Variants in DYSF observed in about 807,000 individuals in gnomAD.
DYSF encodes the protein dystrophy-associated fer-1-like 1.
Under a neutral mutation model 274.9 loss-of-function variants are expected in DYSF, and 212 were observed. The observed-to-expected ratio is 0.77, with a 90% CI of 0.69 to 0.86. DYSF has a LOEUF of 0.86. DYSF is among the 40% of genes least tolerant of loss of function. The pLI, the probability that DYSF is intolerant of heterozygous loss-of-function variation, is 0.00. For synonymous variants in DYSF, 1,091 were observed against 1,078.7 expected, an observed-to-expected ratio of 1.01 and a Z score of -0.22; for missense variants, 2,666 against 2,783.2, an observed-to-expected ratio of 0.96 and a Z score of 0.95.
intron 42 of DYSF, among the ~76,000 whole-genome samples, chr2:71,653,029 C>T (rs1292288342): frequency 6.6e-6 from 1 of 152,144 alleles, no homozygotes; most frequent in African/African-American, 2.4e-5. Flanking sequence ...GAGAGGCAGA[C>T]ACTATAAAGA....
chr2:71,574,990 C>T (rs2092653127), intron 30 of DYSF, among the ~76,000 whole-genome samples: 1 of 152,214 alleles, frequency 6.6e-6, no homozygotes, highest in South Asian at 2.1e-4. Context: ...GGCACACAGC[C>T]AGTCCCCACT....
chr2:71,539,416 A>C (rs1017760801), intron 17 of DYSF, among the ~76,000 whole-genome samples, 177 bp downstream of exon 17: 3 of 152,188 alleles, frequency 2.0e-5, no homozygotes, highest in African/African-American at 7.2e-5. Flanking sequence ...ACAGACACTT[A>C]GGGTTCTCCA....
In DYSF at chr2:71,526,346, A is replaced by ATGCG; in HGVS notation, c.1276_1276+1insTGCG (p.Asp427ArgfsTer18). 3 of 1,359,528 alleles carry ATGCG rather than the reference A, an allele frequency of 2.2e-6. No individual in the cohort carries two copies. The highest frequency in any genetic ancestry group is 2.9e-6 in the Non-Finnish European group (3 of 1,025,880). The allele number at this position is 1,359,528 out of a possible 1,614,324, so 84.2% of individuals were successfully genotyped here. ...CTTCCGGGCCGAGGACTTGCCGCAG[A>ATGCG]GTGCGTGGGGCGCGCCCTTGGGTGG... On this transcript the variant is annotated frameshift_variant and splice_region_variant. Coordinates refer to ENST00000410020, the MANE Select transcript of DYSF (RefSeq NM_001130987.2). LOFTEE classifies it high-confidence loss of function.
intron 36 of DYSF, among the ~76,000 whole-genome samples, chr2:71,603,242 C>T (rs1355132792): frequency 6.6e-6 from 1 of 152,126 alleles, no homozygotes; most frequent in East Asian, 1.9e-4. Flanking sequence ...AGGCCAAGGA[C>T]CAGTTTGGGT....
intron 12 of DYSF, among the ~76,000 whole-genome samples, chr2:71,523,103 C>T (rs2087481767): frequency 6.6e-6 from 1 of 152,222 alleles, no homozygotes; most frequent in African/African-American, 2.4e-5. Flanking sequence ...AGAATTGGCA[C>T]AGTGCTTCGG....
At chr2:71,568,668 C>T (rs1051917070) in intron 26 of DYSF, among the ~76,000 whole-genome samples, 8 of 152,040 alleles carry the variant, frequency 5.3e-5, no homozygotes, top group African/African-American at 1.9e-4. Context: ...TCAGGTGATC[C>T]TCCTGCTCCT....
intron 23 of DYSF, among the ~76,000 whole-genome samples, chr2:71,563,157 C>A (rs552779402): frequency 6.6e-5 from 10 of 152,328 alleles, no homozygotes; most frequent in African/African-American, 2.4e-4. Flanking sequence ...GGGTGCCACA[C>A]TTTGAGAACC....
Position 71,556,088 on chromosome 2 carries a change from G to A in DYSF, c.2216+17G>A, listed in dbSNP as rs373793192. ...AGGCTGCAGGTAGGGGGGACCTGGC[G>A]CCCCTGGTGCCCACCTCTCCTGGCT... On this transcript the variant is annotated intron_variant, in intron 22 of 55. Transcript: ENST00000410020. The A allele has an allele frequency of 9.1e-6, 14 of 1,541,270 alleles. No individual in the cohort carries two copies. Among genetic ancestry groups the A allele is most frequent in the Non-Finnish European group, 1.1e-5 (12 of 1,137,578 alleles).
chr2:71,607,550 C>A (rs927805053), intron 36 of DYSF, among the ~76,000 whole-genome samples: 3 of 152,086 alleles, frequency 2.0e-5, no homozygotes, highest in Non-Finnish European at 2.9e-5. Flanking sequence ...TTGTAGAACG[C>A]GTGGGCTGTT....
At chr2:71,507,749 C>G (rs1033314800) in intron 4 of DYSF, among the ~76,000 whole-genome samples, 26 of 152,252 alleles carry the variant, frequency 1.7e-4, no homozygotes, top group Non-Finnish European at 2.9e-5. Context: ...ACAAACACCC[C>G]CCACAGGCCT....
intron 41 of DYSF, among the ~76,000 whole-genome samples, chr2:71,626,334 T>A (rs2094206100): frequency 6.6e-6 from 1 of 151,576 alleles, no homozygotes; most frequent in Admixed American, 6.6e-5. Context: ...GTTGTTAAAT[T>A]TTATTGAATG....
At chr2:71,586,754 G>A (rs563192301) in intron 30 of DYSF, among the ~76,000 whole-genome samples, 8 of 152,156 alleles carry the variant, frequency 5.3e-5, no homozygotes, top group African/African-American at 1.2e-4. Flanking sequence ...AGCCATCCGC[G>A]AGCAGGGAGG....
At chr2:71,681,190 G>A in intron 54 of DYSF, 80 bp downstream of exon 54, 1 of 1,370,372 alleles carries the variant, frequency 7.3e-7, no homozygotes. Flanking sequence ...CCATTGCATG[G>A]CCATGTAGAA....
At chr2:71,519,620 C>G (rs558075866) in intron 10 of DYSF, among the ~76,000 whole-genome samples, 1 of 151,866 alleles carries the variant, frequency 6.6e-6, no homozygotes, top group African/African-American at 2.4e-5. Flanking sequence ...GCAGGGATAA[C>G]ATAGTCCTAT....
intron 17 of DYSF, among the ~76,000 whole-genome samples, chr2:71,547,699 C>G (rs7566703): frequency 0.6 from 90,749 of 152,158 alleles, 28,230 homozygotes; most frequent in Middle Eastern, 0.73. Flanking sequence ...GGTGTGGTTG[C>G]GAGGCAGGCT....
chr2:71,554,576 G>A (rs1013921010), intron 21 of DYSF, among the ~76,000 whole-genome samples: 1 of 152,182 alleles, frequency 6.6e-6, no homozygotes, highest in Non-Finnish European at 1.5e-5. Flanking sequence ...AGGGACCTGG[G>A]GGAGGGTGAC....
intron 13 of DYSF, 59 bp downstream of exon 13, chr2:71,526,405 T>TGGGGGGGGGGGGGGGGGGGGGGG: frequency 5.4e-6 from 2 of 370,350 alleles, no homozygotes; most frequent in Non-Finnish European, 7.7e-6. Context: ...GCAGGGCTGG[T>TGGGGGGGGGGGGGGGGGGGGGGG]GGGGGTGGGC....
intron 41 of DYSF, among the ~76,000 whole-genome samples, chr2:71,638,059 T>C (rs2094433580): frequency 6.6e-6 from 1 of 151,922 alleles, no homozygotes. Flanking sequence ...AGAGGGGAAC[T>C]TGGGGAAAAC....
chr2:71,492,968 A>G (rs1467898785), intron 3 of DYSF, among the ~76,000 whole-genome samples: 1 of 152,044 alleles, frequency 6.6e-6, no homozygotes, highest in African/African-American at 2.4e-5. Context: ...TGTAGCCTTG[A>G]CTTCCTGGGC....
Sources: allele counts gnomAD v4.1 joint callset (sites outside exome capture counted in the v4.1 genomes callset), GRCh38; gene constraint gnomAD v4.1.1; transcripts MANE v1.5; gene names NCBI Gene and HGNC (gene_info 2026-07-23, HGNC 2026-07-21).